Variants in CDH8 observed in about 807,000 individuals in gnomAD.
CDH8 encodes cadherin-8.
A neutral mutation model predicts 68.1 loss-of-function variants in CDH8; 17 were observed. The ratio of observed to expected loss-of-function variants is 0.25; its 90% CI spans 0.17 to 0.37. The LOEUF is 0.37. CDH8 is among the 10% of genes least tolerant of loss of function. The probability of loss-of-function intolerance (pLI) is 1.00; values close to 1 mark genes in which losing one functional copy is unlikely to be tolerated. For synonymous variants in CDH8, 372 were observed against 365.1 expected (o/e 1.02, Z -0.21); for missense variants, 763 against 999.3 (o/e 0.76, Z 3.19).
At chr16:61,949,597 A>G (rs1964856407) in intron 2 of CDH8, among the ~76,000 whole-genome samples, 1 of 152,084 alleles carries the variant, frequency 6.6e-6, no homozygotes, top group Non-Finnish European at 1.5e-5. Context: ...CTTGAAGTCA[A>G]CAAGACCGAG....
rs1963233244 is a variant in CDH8, at chr16:61,647,619, T to TG, written c.*5988dup. The TG allele has an allele frequency of 5.4e-6, 3 of 556,426 alleles. No individual in the cohort carries two copies. The highest frequency in any genetic ancestry group is 2.3e-5 in the South Asian group (1 of 43,948). 34.5% of individuals were successfully genotyped at this position (556,426 alleles called of 1,614,324 possible). A position where few individuals can be genotyped will look rare whatever the true frequency, so the allele number is the denominator to read the frequency against. On this transcript the variant is annotated 3_prime_UTR_variant, in exon 12 of 12. Transcript: ENST00000577390. ...ATCCCAAGAAATTAACATTTGGCTTTGGGGGGTGATCCCAATGACTCCTAA... is the reference window on the plus strand; with the variant it reads ...ATCCCAAGAAATTAACATTTGGCTTTGGGGGGGTGATCCCAATGACTCCTAA...
chr16:61,724,854 CA>C (rs56294111), intron 9 of CDH8, among the ~76,000 whole-genome samples: 11,634 of 150,736 alleles, frequency 0.077, 588 homozygotes, highest in East Asian at 0.12. Context: ...GTGTGAATAA[CA>C]AATCCAAATT....
At chr16:61,812,934 T>C (rs1961984796) in intron 7 of CDH8, among the ~76,000 whole-genome samples, 1 of 152,222 alleles carries the variant, frequency 6.6e-6, no homozygotes, top group African/African-American at 2.4e-5. Context: ...TAAGTATTTC[T>C]TGGTGTCATT....
rs1963368281 is a variant in CDH8, at chr16:61,653,431, A to G, written c.*177T>C. ...TCCACAAGATTTATAACCTCCTAAC[A>G]TATACTTTTTTATTTTATTATCTTT... On this transcript the variant is annotated 3_prime_UTR_variant, in exon 12 of 12. Coordinates refer to ENST00000577390, the MANE Select transcript of CDH8 (RefSeq NM_001796.5). 7.1e-7 allele frequency: 1 copy of G among 1,412,580 alleles called. No individual in the cohort carries two copies. 87.5% of individuals were successfully genotyped at this position (1,412,580 alleles called of 1,614,324 possible).
At chr16:61,697,277 G>T (rs138491369) in intron 10 of CDH8, among the ~76,000 whole-genome samples, 10 of 152,088 alleles carry the variant, frequency 6.6e-5, no homozygotes, top group African/African-American at 2.4e-4. Context: ...TCCAGGGCCA[G>T]CATCTTGTAC....
intron 2 of CDH8, among the ~76,000 whole-genome samples, chr16:61,997,280 C>T (rs775320610): frequency 3.9e-5 from 6 of 152,222 alleles, no homozygotes; most frequent in South Asian, 2.1e-4. Context: ...GAGAAAAGAA[C>T]GTAATGCATA....
chr16:61,745,299 T>C lies in CDH8; in HGVS notation c.1415-18084A>G, dbSNP rs1055855921. On this transcript the variant is annotated intron_variant, in intron 8 of 11. Transcript: ENST00000577390. ...TAATTTTAAATTCTCATTGTCTTTA[T>C]TTTTAGCAATGTTACTATGATGTGT... is the stretch of plus-strand genomic sequence containing the variant. Among the ~76,000 whole-genome samples the C allele has an allele frequency of 6.6e-5, 10 of 151,876 alleles. No individual in the cohort carries two copies. The South Asian group carries it at 2.1e-3, about 32-fold the overall frequency.
chr16:61,782,593 C>A (rs1295119671), intron 8 of CDH8, among the ~76,000 whole-genome samples: 2 of 151,698 alleles, frequency 1.3e-5, no homozygotes, highest in Non-Finnish European at 3.0e-5. Flanking sequence ...CACCACAGCT[C>A]AAGGAGGCCT....
chr16:61,789,339 CACTT>C lies in CDH8; in HGVS notation c.1414+3_1414+6del. On this transcript the variant is annotated splice_donor_5th_base_variant and intron_variant, in intron 8 of 11. Coordinates refer to ENST00000577390, the MANE Select transcript of CDH8 (RefSeq NM_001796.5). ...CAAGGAAGAAATGAACAAATCCAGG[CACTT>C]ACTAATTTCAGTAGCAATGATTGTT... 6.2e-7 allele frequency: 1 copy of C among 1,606,828 alleles called. No homozygotes were observed. Among genetic ancestry groups the C allele is most frequent in the Non-Finnish European group, 8.5e-7 (1 of 1,176,612 alleles).
rs1964534983 is a variant in CDH8 at position 61,706,486 on chromosome 16, T to C, written c.1654+7355A>G. 2.0e-5 allele frequency among the ~76,000 whole-genome samples: 3 copies of C among 151,496 alleles called. No individual in the cohort carries two copies. The South Asian group carries it at 6.2e-4, about 31-fold the overall frequency. ...CAAAAAAAAAATTAGCCGGGCGTGG[T>C]GGCGGGCGCCTGTAGTCCCGGCTAC... On this transcript the variant is annotated intron_variant, in intron 10 of 11. Transcript: ENST00000577390.
intron 2 of CDH8, among the ~76,000 whole-genome samples, chr16:61,919,540 A>C (rs558546814): frequency 3.0e-4 from 41 of 137,056 alleles, no homozygotes; most frequent in Admixed American, 5.3e-4. Flanking sequence ...GGAGCCGATG[A>C]GATCAACTGG....
chr16:61,876,836 C>T (rs1275700631), intron 3 of CDH8, among the ~76,000 whole-genome samples: 3 of 151,868 alleles, frequency 2.0e-5, no homozygotes, highest in African/African-American at 4.8e-5. Context: ...TAATGGAAAG[C>T]ACATTTGGTA....
intron 2 of CDH8, among the ~76,000 whole-genome samples, chr16:61,958,611 T>C (rs1252720402): frequency 1.3e-5 from 2 of 152,162 alleles, no homozygotes; most frequent in Non-Finnish European, 2.9e-5. Flanking sequence ...GGCTGGAGAA[T>C]CACAGATTTG....
chr16:61,752,204 A>C (rs1960186010), intron 8 of CDH8, among the ~76,000 whole-genome samples: 2 of 152,176 alleles, frequency 1.3e-5, no homozygotes. Flanking sequence ...CAAAGACTTG[A>C]AAACAATGAA....
At chr16:61,983,474 T>C (rs1393194896) in intron 2 of CDH8, among the ~76,000 whole-genome samples, 2 of 152,220 alleles carry the variant, frequency 1.3e-5, no homozygotes, top group Non-Finnish European at 2.9e-5. Flanking sequence ...TACTAGGTGA[T>C]AGATATAGTT....
At chr16:61,914,240 A>G (rs965444506) in intron 2 of CDH8, among the ~76,000 whole-genome samples, 1 of 152,198 alleles carries the variant, frequency 6.6e-6, no homozygotes, top group African/African-American at 2.4e-5. Flanking sequence ...TCTGTTGCTT[A>G]AGTCACCCAG....
At chr16:61,738,429 T>A (rs1959766145) in intron 8 of CDH8, among the ~76,000 whole-genome samples, 1 of 152,182 alleles carries the variant, frequency 6.6e-6, no homozygotes, top group Non-Finnish European at 1.5e-5. Context: ...TCCTTTCTCC[T>A]CCTCACAAGA....
chr16:61,913,297 G>A (rs1270946097), intron 2 of CDH8, among the ~76,000 whole-genome samples: 1 of 152,090 alleles, frequency 6.6e-6, no homozygotes, highest in African/African-American at 2.4e-5. Context: ...AATCATCTTG[G>A]TAATCAAAAA....
chr16:61,973,468 G>T (rs1461321188), intron 2 of CDH8, among the ~76,000 whole-genome samples: 2 of 152,196 alleles, frequency 1.3e-5, no homozygotes, highest in Non-Finnish European at 2.9e-5. Context: ...TGTAAATTTT[G>T]CATTGTGTGA....
Sources: allele counts gnomAD v4.1 joint callset (sites outside exome capture counted in the v4.1 genomes callset), GRCh38; gene constraint gnomAD v4.1.1; transcripts MANE v1.5; gene names NCBI Gene and HGNC (gene_info 2026-07-23, HGNC 2026-07-21).